CECR2: variants seen among roughly 807,000 people sequenced by gnomAD.
CECR2 encodes chromatin remodeling regulator CECR2.
CECR2 carries 30 observed loss-of-function variants against 154.5 expected under a neutral mutation model. That is an observed-to-expected ratio of 0.19 (90% CI 0.15 to 0.26). CECR2 has a LOEUF of 0.26. Among genes scored for constraint, CECR2 ranks in the 10% least tolerant of loss-of-function variants. CECR2 has a pLI of 1.00. For synonymous variants in CECR2, 725 were observed against 683.7 expected (o/e 1.06, Z -0.94); for missense variants, 1,743 against 1,829.3 (o/e 0.95, Z 0.86).
At chr22:17,510,810 T>C (rs2055933496) in intron 7 of CECR2, among the ~76,000 whole-genome samples, 2 of 152,132 alleles carry the variant, frequency 1.3e-5, no homozygotes, top group South Asian at 4.1e-4. Context: ...TTTCACCATG[T>C]TGGTCAGGAT....
intron 7 of CECR2, among the ~76,000 whole-genome samples, chr22:17,507,200 A>G (rs1263785242): frequency 1.3e-5 from 2 of 152,274 alleles, no homozygotes; most frequent in African/African-American, 4.8e-5. Context: ...AAGCAGGTTG[A>G]TGCTTTAGGG....
At chr22:17,434,762 C>T (rs908141552) in intron 1 of CECR2, among the ~76,000 whole-genome samples, 2 of 152,118 alleles carry the variant, frequency 1.3e-5, no homozygotes, top group South Asian at 2.1e-4. Context: ...ATACCTTTAC[C>T]TACTGCTGTT....
At position 17,552,187 on chromosome 22, in the gene CECR2, G is replaced by A. The variant is rs2056719381; in HGVS notation, c.4389+45G>A. ...AGAGCTGTTCTTCTTCCTCCAGGTG[G>A]TAGGAAGTAAGTATATGACAACCTT... On this transcript the variant is annotated intron_variant, in intron 18 of 18. Coordinates refer to ENST00000262608, the MANE Select transcript of CECR2 (RefSeq NM_001290047.2). The A allele has an allele frequency of 1.9e-6, 3 of 1,543,818 alleles. No individual in the cohort carries two copies. The South Asian group carries it at 3.3e-5, about 17-fold the overall frequency.
chr22:17,513,171 C>G (rs1433205894), intron 8 of CECR2, among the ~76,000 whole-genome samples: 1 of 152,102 alleles, frequency 6.6e-6, no homozygotes, highest in Non-Finnish European at 1.5e-5. Context: ...GGCAACATAG[C>G]AAGACCCCAC....
rs71200271 is a variant in CECR2 at position 17,394,197 on chromosome 22, C to CTTTTTTTTTTTTTTTTTTTTTTTTTTTT, written c.126+24314_126+24315insTTTTTTTTTTTTTTTTTTTTTTTTTTTT. Among the ~76,000 whole-genome samples, 2 of 97,088 alleles carry CTTTTTTTTTTTTTTTTTTTTTTTTTTTT rather than the reference C, an allele frequency of 2.1e-5. 1 individual carries two copies. 63.7% of individuals were successfully genotyped at this position (97,088 alleles called of 152,430 possible). A position where few individuals can be genotyped will look rare whatever the true frequency, so the allele number is the denominator to read the frequency against. ...CCACCGCGCCCAGCTGCTGCCGCTG[C>CTTTTTTTTTTTTTTTTTTTTTTTTTTTT]TTTTTTTTTTTTTTTTTTTTTTTTT... is the stretch of plus-strand genomic sequence containing the variant. On this transcript the variant is annotated intron_variant, in intron 1 of 18. Coordinates refer to ENST00000262608, the MANE Select transcript of CECR2 (RefSeq NM_001290047.2).
intron 1 of CECR2, among the ~76,000 whole-genome samples, chr22:17,437,793 G>A (rs1170582187): frequency 6.6e-6 from 1 of 152,138 alleles, no homozygotes; most frequent in Non-Finnish European, 1.5e-5. Context: ...TTCTTAGCAG[G>A]AGTGATGAAG....
At chr22:17,527,144 T>G (rs572137444) in intron 9 of CECR2, among the ~76,000 whole-genome samples, 7 of 152,240 alleles carry the variant, frequency 4.6e-5, no homozygotes, top group Admixed American at 2.6e-4. Flanking sequence ...TGAATAGAGA[T>G]TTCTCAAAAG....
At chr22:17,379,581 GGTGTGTGTGTGTGTGTGTGT>G (rs60634016) in intron 1 of CECR2, among the ~76,000 whole-genome samples, 3 of 137,814 alleles carry the variant, frequency 2.2e-5, no homozygotes, top group Non-Finnish European at 4.7e-5. Context: ...CTACGTTGAA[GGTGTGTGTGTGTGTGTGTGT>G]GTGTGTGTGT....
At chr22:17,402,646 G>A (rs2146537929) in intron 1 of CECR2, among the ~76,000 whole-genome samples, 1 of 151,904 alleles carries the variant, frequency 6.6e-6, no homozygotes, top group East Asian at 1.9e-4. Flanking sequence ...TGGTAAATTT[G>A]TTAAAACTAA....
chr22:17,518,692 T>C, intron 8 of CECR2: 1 of 444,326 alleles, frequency 2.3e-6, no homozygotes, highest in Admixed American at 2.4e-5. Flanking sequence ...AATTACTGTT[T>C]GCATTCAAGC....
chr22:17,384,556 G>C (rs1001910856), intron 1 of CECR2, among the ~76,000 whole-genome samples: 6 of 152,196 alleles, frequency 3.9e-5, no homozygotes, highest in African/African-American at 1.4e-4. Context: ...GTAATATTTT[G>C]AAAGTAGTGA....
chr22:17,515,080 CAT>C (rs1046756623), intron 8 of CECR2, among the ~76,000 whole-genome samples: 6 of 148,420 alleles, frequency 4.0e-5, no homozygotes, highest in Admixed American at 4.0e-4. Flanking sequence ...TTTTTTTTCT[CAT>C]ATGTGTGTAA....
intron 7 of CECR2, among the ~76,000 whole-genome samples, chr22:17,507,019 A>G (rs1343256372): frequency 6.6e-6 from 1 of 152,214 alleles, no homozygotes; most frequent in Non-Finnish European, 1.5e-5. Context: ...ATCGATAATA[A>G]TATTTCTGAT....
intron 1 of CECR2, among the ~76,000 whole-genome samples, chr22:17,383,037 C>T (rs985219914): frequency 3.3e-5 from 5 of 152,144 alleles, no homozygotes; most frequent in African/African-American, 1.2e-4. Context: ...ACCGCCTGGC[C>T]AAGGTGGTGA....
Position 17,548,091 on chromosome 22 carries a change from A to G in CECR2, c.2861-57A>G, listed in dbSNP as rs980655089. The G allele has an allele frequency of 1.6e-4, 231 of 1,414,546 alleles. 1 individual carries two copies. Among genetic ancestry groups the G allele is most frequent in the Middle Eastern group, 2.3e-4 (1 of 4,322 alleles). The allele number at this position is 1,414,546 out of a possible 1,614,324, so 87.6% of individuals were successfully genotyped here. A position where few individuals can be genotyped will look rare whatever the true frequency, so the allele number is the denominator to read the frequency against. ...TGACTCAGGCATGTTCTTCACATTAATACTGTCATTTCAGCTACTGAGTTA... is the reference window on the plus strand; with the variant it reads ...TGACTCAGGCATGTTCTTCACATTAGTACTGTCATTTCAGCTACTGAGTTA... On this transcript the variant is annotated intron_variant, in intron 16 of 18. Transcript: ENST00000262608.
intron 1 of CECR2, among the ~76,000 whole-genome samples, chr22:17,445,549 ATTATTATT>A (rs2054646797): frequency 3.9e-5 from 2 of 50,748 alleles, no homozygotes; most frequent in Non-Finnish European, 6.4e-5. Context: ...ATACTTTATT[ATTATTATT>A]ATTATTATTA....
chr22:17,456,022 T>TA (rs1242494740), intron 1 of CECR2, among the ~76,000 whole-genome samples: 2 of 152,208 alleles, frequency 1.3e-5, no homozygotes, highest in Non-Finnish European at 2.9e-5. Flanking sequence ...TGGGTTGTGA[T>TA]ACCCACATTT....
intron 1 of CECR2, among the ~76,000 whole-genome samples, chr22:17,453,346 G>A (rs1164159445): frequency 6.6e-6 from 1 of 152,190 alleles, no homozygotes; most frequent in Admixed American, 6.5e-5. Context: ...GGAAGCTGAG[G>A]CAGGAGAACT....
chr22:17,492,807 G>T (rs1045331299), intron 2 of CECR2, among the ~76,000 whole-genome samples: 1 of 152,120 alleles, frequency 6.6e-6, no homozygotes, highest in Non-Finnish European at 1.5e-5. Flanking sequence ...AGAATGATGA[G>T]AATTACTAAG....
Sources: gnomAD v4.1 joint callset for allele counts (sites outside exome capture counted in the v4.1 genomes callset) on GRCh38, gnomAD v4.1.1 for gene constraint, MANE v1.5 for transcripts, NCBI Gene and HGNC (gene_info 2026-07-23, HGNC 2026-07-21) for gene names.